Variants in PTPRK observed in about 807,000 individuals in gnomAD.
PTPRK encodes the protein receptor-type tyrosine-protein phosphatase kappa.
Under a neutral mutation model 178.0 loss-of-function variants are expected in PTPRK, and 75 were observed. That is an observed-to-expected ratio of 0.42 (90% CI 0.35 to 0.51). The LOEUF is 0.51. Among genes scored for constraint, PTPRK ranks in the 20% least tolerant of loss-of-function variants. The pLI is 0.02. For missense variants in PTPRK, 1,441 were observed against 1,797.8 expected (o/e 0.80, Z 3.59); for synonymous variants, 637 against 620.6 (o/e 1.03, Z -0.39).
chr6:128,313,421 A>T (rs1827533497), intron 3 of PTPRK, among the ~76,000 whole-genome samples: 2 of 152,184 alleles, frequency 1.3e-5, no homozygotes, highest in South Asian at 4.1e-4. Context: ...ATGTCTAATA[A>T]GCAATACAGG....
intron 1 of PTPRK, among the ~76,000 whole-genome samples, chr6:128,511,368 T>C (rs936941336): frequency 6.6e-6 from 1 of 152,110 alleles, no homozygotes; most frequent in African/African-American, 2.4e-5. Flanking sequence ...CACACTAACT[T>C]CCCCTCAGTC....
intron 7 of PTPRK, among the ~76,000 whole-genome samples, chr6:128,164,790 G>C (rs941278311): frequency 6.6e-6 from 1 of 150,576 alleles, no homozygotes; most frequent in African/African-American, 2.4e-5. Flanking sequence ...AAGAACACTT[G>C]AAAAATGGCA....
At chr6:128,232,864 A>G (rs906392959) in intron 5 of PTPRK, among the ~76,000 whole-genome samples, 2 of 152,222 alleles carry the variant, frequency 1.3e-5, no homozygotes, top group African/African-American at 2.4e-5. Context: ...CCACGTCCAG[A>G]CATTAGAGCA....
chr6:128,226,585 GA>G (rs1811332977), intron 5 of PTPRK, among the ~76,000 whole-genome samples: 1 of 151,930 alleles, frequency 6.6e-6, no homozygotes, highest in Non-Finnish European at 1.5e-5. Context: ...TTCTACCAGT[GA>G]ACAACAGCTT....
At chr6:128,215,854 G>T (rs1213138180) in intron 6 of PTPRK, among the ~76,000 whole-genome samples, 3 of 151,880 alleles carry the variant, frequency 2.0e-5, no homozygotes, top group Admixed American at 6.6e-5. Flanking sequence ...TTGTATCCAT[G>T]TAACAGGATG....
intron 7 of PTPRK, among the ~76,000 whole-genome samples, chr6:128,114,775 A>T (rs1791222223): frequency 6.6e-6 from 1 of 151,770 alleles, no homozygotes; most frequent in Non-Finnish European, 1.5e-5. Flanking sequence ...GACACAGAGC[A>T]AAACATATTA....
chr6:128,285,782 A>G (rs970102671), intron 3 of PTPRK, among the ~76,000 whole-genome samples: 6 of 152,110 alleles, frequency 3.9e-5, no homozygotes, highest in Admixed American at 3.3e-4. Context: ...CCTGGGCAAC[A>G]GAGTAATACG....
intron 1 of PTPRK, among the ~76,000 whole-genome samples, chr6:128,443,416 G>A (rs766586076): frequency 1.1e-3 from 168 of 152,106 alleles, no homozygotes; most frequent in Non-Finnish European, 2.0e-3. Context: ...AAGAAGAGAG[G>A]AAAGGGGAAA....
intron 13 of PTPRK, among the ~76,000 whole-genome samples, chr6:128,031,548 G>A (rs902793740): frequency 2.0e-5 from 3 of 152,108 alleles, no homozygotes; most frequent in Non-Finnish European, 4.4e-5. Context: ...TTTCATGTAA[G>A]AACAGACTAT....
At chr6:128,427,334 G>C (rs1031846777) in intron 1 of PTPRK, among the ~76,000 whole-genome samples, 6 of 152,260 alleles carry the variant, frequency 3.9e-5, no homozygotes, top group Non-Finnish European at 4.4e-5. Flanking sequence ...CAGGCAGTCT[G>C]ACTCCAGAGC....
At chr6:128,283,240 A>G (rs1821961943) in intron 3 of PTPRK, among the ~76,000 whole-genome samples, 1 of 152,196 alleles carries the variant, frequency 6.6e-6, no homozygotes, top group Non-Finnish European at 1.5e-5. Context: ...GGGTGCCCCA[A>G]TCAATTTAGA....
intron 6 of PTPRK, among the ~76,000 whole-genome samples, chr6:128,217,823 C>G (rs969671298): frequency 3.9e-5 from 6 of 152,078 alleles, no homozygotes; most frequent in African/African-American, 1.4e-4. Flanking sequence ...TTGCAAATGC[C>G]TTCCATGATA....
chr6:128,121,297 G>A (rs1298414147), intron 7 of PTPRK, among the ~76,000 whole-genome samples: 2 of 151,972 alleles, frequency 1.3e-5, no homozygotes, highest in African/African-American at 4.8e-5. Flanking sequence ...ACTCCCAGTA[G>A]GGACTGATAG....
chr6:128,189,613 C>T (rs1384753671), intron 6 of PTPRK, among the ~76,000 whole-genome samples: 1 of 152,176 alleles, frequency 6.6e-6, no homozygotes, highest in African/African-American at 2.4e-5. Context: ...CAGGAGTCCA[C>T]TGCTCTATTA....
chr6:128,344,779 G>T (rs1832181268), intron 2 of PTPRK, among the ~76,000 whole-genome samples: 1 of 152,088 alleles, frequency 6.6e-6, no homozygotes, highest in African/African-American at 2.4e-5. Flanking sequence ...GCCTCCCAAA[G>T]TGCTGAGACT....
At chr6:128,089,019 A>C (rs549124244) in intron 8 of PTPRK, among the ~76,000 whole-genome samples, 1 of 152,240 alleles carries the variant, frequency 6.6e-6, no homozygotes, top group African/African-American at 2.4e-5. Flanking sequence ...CTGGAGTGCA[A>C]TGGTGCGATC....
intron 15 of PTPRK, chr6:128,001,079 G>C: frequency 1.4e-6 from 1 of 709,126 alleles, no homozygotes. Flanking sequence ...ACCTAATAAT[G>C]TGACTAGTAG....
intron 6 of PTPRK, among the ~76,000 whole-genome samples, chr6:128,216,293 T>C (rs1302269998): frequency 2.0e-5 from 3 of 151,972 alleles, no homozygotes; most frequent in East Asian, 3.9e-4. Context: ...TCCCAGCACT[T>C]TGGGAGGCTG....
chr6:128,184,581 G>T lies in PTPRK; in HGVS notation c.1013C>A (p.Thr338Lys). The T allele has an allele frequency of 2.5e-6, 4 of 1,613,968 alleles. No individual in the cohort carries two copies. In the East Asian group the frequency reaches 6.7e-5, roughly 27 times the overall value. The change falls in exon 7 of 30, where the codon ACA becomes AAA. Residue 338 changes from threonine to lysine, a missense_variant. By Grantham distance (78) the Thr-to-Lys change is moderately conservative. This residue lies in a region of PTPRK where 945 missense variants were observed against 1,080.6 expected (regional missense o/e 0.87). Transcript: ENST00000368226. ...VEYRMTSGSWTETHAVNAPTY... is the reference protein window; with the variant it reads ...VEYRMTSGSWKETHAVNAPTY... ...TGGAGCATTGACTGCATGGGTTTCT[G>T]TCCAGGATCCTGATGTCATTCGGTA...
Sources: allele counts gnomAD v4.1 joint callset (sites outside exome capture counted in the v4.1 genomes callset), GRCh38; gene constraint gnomAD v4.1.1; regional missense constraint gnomAD v4.1.1; transcripts MANE v1.5; gene names NCBI Gene and HGNC (gene_info 2026-07-23, HGNC 2026-07-21).